Variants in ZC3H3 observed in about 807,000 individuals in gnomAD.
The protein encoded by ZC3H3 is zinc finger CCCH domain-containing protein 3.
ZC3H3 carries 36 observed loss-of-function variants against 77.3 expected under a neutral mutation model. The ratio of observed to expected loss-of-function variants is 0.47; its 90% CI spans 0.36 to 0.61. The LOEUF is 0.61. Among genes scored for constraint, ZC3H3 ranks in the 20% least tolerant of loss-of-function variants. The probability of loss-of-function intolerance (pLI) is 0.00; values close to 1 mark genes in which losing one functional copy is unlikely to be tolerated. For missense variants in ZC3H3, 1,331 were observed against 1,312.2 expected, an observed-to-expected ratio of 1.01 and a Z score of -0.22; for synonymous variants, 626 against 555.2, an observed-to-expected ratio of 1.13 and a Z score of -1.79.
At chr8:143,522,480 G>C (rs567836133) in intron 3 of ZC3H3, among the ~76,000 whole-genome samples, 1 of 152,214 alleles carries the variant, frequency 6.6e-6, no homozygotes, top group Non-Finnish European at 1.5e-5. Context: ...GCGTGAGCCT[G>C]TAATCCCAGC....
intron 8 of ZC3H3, among the ~76,000 whole-genome samples, chr8:143,467,357 C>T (rs899859802): frequency 2.6e-5 from 4 of 152,186 alleles, no homozygotes; most frequent in Non-Finnish European, 5.9e-5. Flanking sequence ...GGCACTGGTG[C>T]GGGGCGTCCA....
Position 143,440,105 on chromosome 8 carries a change from G to A in ZC3H3, c.2751C>T (p.Ser917=), listed in dbSNP as rs190080915. The change falls in exon 11 of 12, where the codon TCC becomes TCT. Residue 917 remains serine, a synonymous_variant. Coordinates refer to ENST00000262577, the MANE Select transcript of ZC3H3 (RefSeq NM_015117.3). ...CKLPSFISLQ[S]SPSPGAQPRV... ...TGGGCTGGGCTCCTGGGCTCGGCGA[G>A]GACTGCAGGGAGATGAAGGAAGGCA... is the stretch of plus-strand genomic sequence containing the variant. The A allele has an allele frequency of 7.5e-6, 12 of 1,608,798 alleles. No homozygotes were observed. The Admixed American group carries it at 1.8e-4, about 25-fold the overall frequency.
Position 143,510,866 on chromosome 8 carries a change from C to G in ZC3H3, c.1562-2967G>C, listed in dbSNP as rs541399003. Among the ~76,000 whole-genome samples the G allele has an allele frequency of 1.5e-4, 23 of 152,354 alleles. 1 individual carries two copies. The Middle Eastern group carries it at 0.01, about 68-fold the overall frequency. On this transcript the variant is annotated intron_variant, in intron 3 of 11. Transcript: ENST00000262577. ...ACGTGATGCATTCCCGTGGCACACT[C>G]CGCGCACATCAAACCCCTTGCGCCT...
intron 5 of ZC3H3, among the ~76,000 whole-genome samples, chr8:143,472,204 TTGC>T (rs1337580005): frequency 4.6e-5 from 7 of 152,156 alleles, no homozygotes; most frequent in African/African-American, 1.7e-4. Context: ...GAGTTCTGGG[TTGC>T]TGCTGGTGCA....
chr8:143,458,320 G>C (rs1353979155), intron 9 of ZC3H3, among the ~76,000 whole-genome samples: 1 of 152,272 alleles, frequency 6.6e-6, no homozygotes, highest in Non-Finnish European at 1.5e-5. Flanking sequence ...CGAGGAGACT[G>C]AGTCAGTAAT....
Position 143,476,611 on chromosome 8 carries a change from T to G in ZC3H3, c.1716-1026A>C, listed in dbSNP as rs189632984. On this transcript the variant is annotated intron_variant, in intron 4 of 11. Coordinates refer to ENST00000262577, the MANE Select transcript of ZC3H3 (RefSeq NM_015117.3). ...CTGGCAAATTGAGCTTGATTCCACA[T>G]GAGCTCACGCTCTGCTCAAGCTGCC... 4.7e-3 allele frequency among the ~76,000 whole-genome samples: 720 copies of G among 152,272 alleles called. 4 individuals carry two copies. The highest frequency in any genetic ancestry group is 6.6e-3 in the Non-Finnish European group (451 of 68,002).
At chr8:143,450,751 T>C (rs186693654) in intron 9 of ZC3H3, among the ~76,000 whole-genome samples, 27 of 152,196 alleles carry the variant, frequency 1.8e-4, no homozygotes, top group Admixed American at 1.6e-3. Flanking sequence ...AGGATGGTGC[T>C]AAACTATTAT....
chr8:143,479,076 G>A (rs1176302926), intron 4 of ZC3H3, among the ~76,000 whole-genome samples: 2 of 152,218 alleles, frequency 1.3e-5, no homozygotes, highest in African/African-American at 4.8e-5. Flanking sequence ...CTGGTGCTCA[G>A]CACACCTAGC....
chr8:143,437,796 A>G lies in ZC3H3; in HGVS notation c.*260T>C. The G allele has an allele frequency of 1.9e-6, 1 of 534,580 alleles. No homozygotes were observed. The highest frequency in any genetic ancestry group is 3.4e-6 in the Non-Finnish European group (1 of 296,318). 33.1% of individuals were successfully genotyped at this position (534,580 alleles called of 1,614,324 possible). A position where few individuals can be genotyped will look rare whatever the true frequency, so the allele number is the denominator to read the frequency against. ...ACTGTTGCCAATGGCAGTCGGGGACAGGCCTGGAGGCCAGCCCTGCCTGGC... is the reference window on the plus strand; with the variant it reads ...ACTGTTGCCAATGGCAGTCGGGGACGGGCCTGGAGGCCAGCCCTGCCTGGC... On this transcript the variant is annotated 3_prime_UTR_variant, in exon 12 of 12. Coordinates refer to ENST00000262577, the MANE Select transcript of ZC3H3 (RefSeq NM_015117.3).
chr8:143,473,655 G>A (rs962357571), intron 5 of ZC3H3, among the ~76,000 whole-genome samples: 1 of 152,238 alleles, frequency 6.6e-6, no homozygotes, highest in East Asian at 1.9e-4. Flanking sequence ...GTGGGGCTTG[G>A]CCTCTGCCAA....
At chr8:143,468,173 G>A in intron 8 of ZC3H3, 36 bp downstream of exon 8, 1 of 1,590,368 alleles carries the variant, frequency 6.3e-7, no homozygotes, top group Non-Finnish European at 8.6e-7. Flanking sequence ...CCCGGAGAAA[G>A]GTGCACGGGA....
chr8:143,455,744 G>A (rs1210144094), intron 9 of ZC3H3, among the ~76,000 whole-genome samples: 7 of 152,146 alleles, frequency 4.6e-5, no homozygotes, highest in Non-Finnish European at 7.4e-5. Context: ...AGACCTAGGC[G>A]GGTGGATCAT....
intron 5 of ZC3H3, among the ~76,000 whole-genome samples, chr8:143,471,674 G>A (rs1049357921): frequency 1.3e-5 from 2 of 152,006 alleles, no homozygotes; most frequent in Non-Finnish European, 2.9e-5. Context: ...CGGCTTCAGG[G>A]ACTGGGGAAG....
chr8:143,486,618 G>C (rs936611060), intron 4 of ZC3H3, among the ~76,000 whole-genome samples: 58 of 152,182 alleles, frequency 3.8e-4, no homozygotes, highest in Non-Finnish European at 2.9e-4. Flanking sequence ...TCCATGAAAA[G>C]TGATGAACAA....
At chr8:143,447,367 G>A (rs967180604) in intron 9 of ZC3H3, among the ~76,000 whole-genome samples, 5 of 152,190 alleles carry the variant, frequency 3.3e-5, no homozygotes, top group Admixed American at 6.5e-5. Context: ...TTCTATCCAC[G>A]CTCTCCATCT....
chr8:143,498,670 G>C (rs1306657958), intron 4 of ZC3H3, among the ~76,000 whole-genome samples: 7 of 151,526 alleles, frequency 4.6e-5, no homozygotes, highest in Middle Eastern at 6.8e-3. Flanking sequence ...CTGCTGTGTG[G>C]ACCAAGCAGC....
At chr8:143,524,334 A>C (rs1223335574) in intron 3 of ZC3H3, among the ~76,000 whole-genome samples, 1 of 152,210 alleles carries the variant, frequency 6.6e-6, no homozygotes, top group Non-Finnish European at 1.5e-5. Flanking sequence ...GCTCCCTGGG[A>C]GTCTGGGCTA....
chr8:143,474,982 G>A (rs1306764210), intron 5 of ZC3H3, among the ~76,000 whole-genome samples: 1 of 152,224 alleles, frequency 6.6e-6, no homozygotes, highest in African/African-American at 2.4e-5. Flanking sequence ...TTTTCCAAAA[G>A]CGAAACATGG....
At chr8:143,491,118 A>C (rs1172643760) in intron 4 of ZC3H3, among the ~76,000 whole-genome samples, 1 of 152,126 alleles carries the variant, frequency 6.6e-6, no homozygotes, top group Non-Finnish European at 1.5e-5. Context: ...ACTGGCAGAC[A>C]CACACATATC....
Sources: gnomAD v4.1 joint callset for allele counts (sites outside exome capture counted in the v4.1 genomes callset) on GRCh38, gnomAD v4.1.1 for gene constraint, MANE v1.5 for transcripts, NCBI Gene and HGNC (gene_info 2026-07-23, HGNC 2026-07-21) for gene names.